ADGRA3: variants seen among roughly 807,000 people sequenced by gnomAD.
ADGRA3 encodes G-protein coupled receptor 125.
In ADGRA3, 56 loss-of-function variants were observed where a neutral mutation model predicts 119.8. The observed-to-expected ratio is 0.47, with a 90% CI of 0.38 to 0.58. The LOEUF (loss-of-function observed/expected upper bound fraction) is 0.58. Among genes scored for constraint, ADGRA3 ranks in the 20% least tolerant of loss-of-function variants. The pLI, the probability that ADGRA3 is intolerant of heterozygous loss-of-function variation, is 0.00. For missense variants in ADGRA3, 1,516 were observed against 1,649.0 expected (o/e 0.92, Z 1.40); for synonymous variants, 607 against 623.8 (o/e 0.97, Z 0.40).
chr4:22,445,007 T>C lies in ADGRA3; in HGVS notation c.672A>G (p.Pro224=), dbSNP rs927182323. The change falls in exon 6 of 19, where the codon CCA becomes CCG. Residue 224 remains proline (P), a synonymous_variant. Transcript: ENST00000334304. ...ACAGCTCCTGCTTCACGCCTGTGAC[T>C]GGTTGGGCCTGCAGTGACTTAGGAT... is the stretch of plus-strand genomic sequence containing the variant. The part of the protein sequence containing the change: ...CVYPKSLQAQ[P]VTGVKQELLT... 5.6e-6 allele frequency: 9 copies of C among 1,613,562 alleles called. No homozygotes were observed. Among genetic ancestry groups the C allele is most frequent in the Non-Finnish European group, 6.8e-6 (8 of 1,179,914 alleles).
At chr4:22,424,434 T>A in intron 10 of ADGRA3, 82 bp from the exon 11 acceptor site, 1 of 1,461,848 alleles carries the variant, frequency 6.8e-7, no homozygotes, top group Admixed American at 2.0e-5. Context: ...TAATGGACAG[T>A]GAGATTGGCC....
chr4:22,420,748 A>G, intron 12 of ADGRA3, 138 bp downstream of exon 12: 1 of 828,996 alleles, frequency 1.2e-6, no homozygotes, highest in Non-Finnish European at 1.9e-6. Context: ...AGTTTTCTTT[A>G]AAACAGTAGC....
intron 4 of ADGRA3, among the ~76,000 whole-genome samples, chr4:22,449,499 G>A (rs1445923459): frequency 6.6e-6 from 1 of 152,048 alleles, no homozygotes; most frequent in Middle Eastern, 3.2e-3. Flanking sequence ...TTAAATGTTT[G>A]CAAGATTCCA....
At chr4:22,426,186 C>T (rs985196093) in intron 10 of ADGRA3, among the ~76,000 whole-genome samples, 3 of 152,096 alleles carry the variant, frequency 2.0e-5, no homozygotes, top group East Asian at 1.9e-4. Context: ...TCTGTGTTCA[C>T]GTAAAAATAG....
At chr4:22,473,448 C>T (rs1717927130) in intron 2 of ADGRA3, among the ~76,000 whole-genome samples, 3 of 152,178 alleles carry the variant, frequency 2.0e-5, no homozygotes, top group African/African-American at 4.8e-5. Flanking sequence ...AAGACATCCA[C>T]GTCGATTCAT....
intron 2 of ADGRA3, among the ~76,000 whole-genome samples, chr4:22,470,024 C>G (rs933399445): frequency 6.6e-6 from 1 of 152,172 alleles, no homozygotes; most frequent in East Asian, 1.9e-4. Context: ...AAGCCTAGCA[C>G]AGTGTGCGCA....
chr4:22,455,813 G>C lies in ADGRA3; in HGVS notation c.402-876C>G, dbSNP rs996550113. The C allele has an allele frequency of 2.6e-5, 34 of 1,287,920 alleles. No homozygotes were observed. The African/African-American group carries it at 3.5e-4, about 13-fold the overall frequency. 79.8% of individuals were successfully genotyped at this position (1,287,920 alleles called of 1,614,324 possible). A position where few individuals can be genotyped will look rare whatever the true frequency, so the allele number is the denominator to read the frequency against. On this transcript the variant is annotated intron_variant, in intron 3 of 18. Transcript: ENST00000334304. ...CTGACAATATCTGTAACTTACACCT[G>C]GCATGGCATGACTCGCATCATTGTT...
At chr4:22,410,838 G>A (rs933274142) in intron 14 of ADGRA3, among the ~76,000 whole-genome samples, 1 of 151,786 alleles carries the variant, frequency 6.6e-6, no homozygotes, top group Non-Finnish European at 1.5e-5. Context: ...GCCTCTAGAT[G>A]GCACAATTAC....
chr4:22,390,596 T>C (rs1714097810), intron 17 of ADGRA3, among the ~76,000 whole-genome samples: 1 of 151,798 alleles, frequency 6.6e-6, no homozygotes, highest in South Asian at 2.1e-4. Context: ...CTCACCACCA[T>C]GATGCTAAAA....
At chr4:22,511,899 T>C (rs1431983147) in intron 1 of ADGRA3, among the ~76,000 whole-genome samples, 1 of 136,410 alleles carries the variant, frequency 7.3e-6, no homozygotes, top group East Asian at 2.1e-4. Flanking sequence ...TTCTTTCTTT[T>C]TTTTTTTTTT....
At chr4:22,495,364 A>G (rs1188954962) in intron 1 of ADGRA3, among the ~76,000 whole-genome samples, 1 of 152,040 alleles carries the variant, frequency 6.6e-6, no homozygotes, top group African/African-American at 2.4e-5. Flanking sequence ...GGAGCCTGGG[A>G]TCAGCCTGGG....
intron 10 of ADGRA3, among the ~76,000 whole-genome samples, chr4:22,426,845 C>A (rs1715958111): frequency 6.6e-6 from 1 of 152,120 alleles, no homozygotes; most frequent in Non-Finnish European, 1.5e-5. Flanking sequence ...TTTTATGATT[C>A]ATTGGAACAT....
intron 16 of ADGRA3, chr4:22,394,740 G>A (rs1714281116): frequency 6.6e-6 from 1 of 152,204 alleles, no homozygotes; most frequent in African/African-American, 2.4e-5. Context: ...ATTTTCTACA[G>A]GGGACAAAAC....
Position 22,515,765 on chromosome 4 carries a change from C to A in ADGRA3, c.20G>T (p.Arg7Leu). 9.8e-7 allele frequency: 1 copy of A among 1,020,016 alleles called. No individual in the cohort carries two copies. The highest frequency in any genetic ancestry group is 1.0e-4 in the East Asian group (1 of 9,814). 63.2% of individuals were successfully genotyped at this position (1,020,016 alleles called of 1,614,324 possible). Residue 7 changes from arginine to leucine, a missense_variant, in exon 1 of 19, where the codon CGG becomes CTG. Physicochemically the swap from Arg to Leu is moderately radical, Grantham distance 102. Transcript: ENST00000334304. Reference protein sequence around the residue: MEPPGRRRGRAQPPLLL... With the variant: MEPPGRLRGRAQPPLLL... Reference sequence around the variant, plus strand: ...CAGCGGCGGCTGCGCGCGGCCCCGCCGGCGTCCGGGTGGCTCCATGCTGCG... The same window carrying A: ...CAGCGGCGGCTGCGCGCGGCCCCGCAGGCGTCCGGGTGGCTCCATGCTGCG...
intron 1 of ADGRA3, among the ~76,000 whole-genome samples, chr4:22,484,751 C>A: frequency 6.6e-6 from 1 of 152,060 alleles, no homozygotes; most frequent in East Asian, 1.9e-4. Flanking sequence ...AAAATATGTA[C>A]ACGTTTAGAG....
intron 4 of ADGRA3, among the ~76,000 whole-genome samples, 189 bp downstream of exon 4, chr4:22,454,677 G>A (rs962779663): frequency 6.6e-6 from 1 of 152,092 alleles, no homozygotes; most frequent in Non-Finnish European, 1.5e-5. Context: ...TCCGTGTGTG[G>A]TGTGGTAAGG....
At chr4:22,496,425 G>A (rs961936669) in intron 1 of ADGRA3, among the ~76,000 whole-genome samples, 1 of 152,048 alleles carries the variant, frequency 6.6e-6, no homozygotes, top group South Asian at 2.1e-4. Flanking sequence ...TGGCACACTC[G>A]GCAAACATTA....
intron 7 of ADGRA3, among the ~76,000 whole-genome samples, chr4:22,440,017 T>C (rs753421391): frequency 6.6e-6 from 1 of 152,120 alleles, no homozygotes; most frequent in African/African-American, 2.4e-5. Flanking sequence ...TACTTCTTAA[T>C]GAGATATGTG....
At chr4:22,489,063 T>G (rs1718537107) in intron 1 of ADGRA3, among the ~76,000 whole-genome samples, 1 of 152,118 alleles carries the variant, frequency 6.6e-6, no homozygotes, top group Non-Finnish European at 1.5e-5. Flanking sequence ...GGGTAATTTA[T>G]AAAGGAAAAG....
Sources: allele counts gnomAD v4.1 joint callset (sites outside exome capture counted in the v4.1 genomes callset), GRCh38; gene constraint gnomAD v4.1.1; transcripts MANE v1.5; gene names NCBI Gene and HGNC (gene_info 2026-07-23, HGNC 2026-07-21).